CCDC175: variants seen among roughly 807,000 people sequenced by gnomAD.
CCDC175 encodes coiled-coil domain containing 175.
Under a neutral mutation model 114.6 loss-of-function variants are expected in CCDC175, and 100 were observed. The ratio of observed to expected loss-of-function variants is 0.87; its 90% confidence interval spans 0.74 to 1.03. The LOEUF is 1.03. Ranked by LOEUF, CCDC175 falls within the 50% of genes least tolerant of loss-of-function variation. CCDC175 has a pLI of 0.00. For synonymous variants in CCDC175, 306 were observed against 308.7 expected, an observed-to-expected ratio of 0.99 and a Z score of 0.09; for missense variants, 880 against 917.8, an observed-to-expected ratio of 0.96 and a Z score of 0.53.
chr14:59,549,644 C>A (rs1895332236), intron 8 of CCDC175, among the ~76,000 whole-genome samples: 1 of 142,548 alleles, frequency 7.0e-6, no homozygotes, highest in African/African-American at 2.5e-5. Flanking sequence ...CGCTTGAACC[C>A]CAGAGGCAGA....
intron 13 of CCDC175, 60 bp downstream of exon 13, chr14:59,537,963 A>C: frequency 3.1e-3 from 1,880 of 613,716 alleles, no homozygotes; most frequent in Non-Finnish European, 4.0e-3. Context: ...ATGAAATATT[A>C]TTCCCCCTCC....
chr14:59,563,209 A>G (rs1018311632), intron 6 of CCDC175, among the ~76,000 whole-genome samples: 1 of 152,154 alleles, frequency 6.6e-6, no homozygotes, highest in African/African-American at 2.4e-5. Context: ...TCCTCACAAA[A>G]TACTTACCAC....
chr14:59,565,334 T>C (rs1896472207), intron 4 of CCDC175, 59 bp from the exon 5 acceptor site: 1 of 1,329,900 alleles, frequency 7.5e-7, no homozygotes, highest in Admixed American at 2.3e-5. Context: ...AGGAATAGTC[T>C]GTGTGGTGAG....
intron 5 of CCDC175, 113 bp downstream of exon 5, chr14:59,564,934 A>G: frequency 2.6e-6 from 2 of 780,248 alleles, no homozygotes; most frequent in Non-Finnish European, 4.0e-6. Context: ...GCGCGTTCAC[A>G]GAAGATACCA....
At chr14:59,571,883 A>G (rs1896867719) in intron 3 of CCDC175, among the ~76,000 whole-genome samples, 1 of 152,246 alleles carries the variant, frequency 6.6e-6, no homozygotes. Context: ...CAAAAATCTG[A>G]AAACTGAAAT....
chr14:59,522,206 C>T (rs768286939), intron 16 of CCDC175, among the ~76,000 whole-genome samples: 3 of 152,104 alleles, frequency 2.0e-5, no homozygotes, highest in Admixed American at 6.5e-5. Flanking sequence ...CACCCAATGC[C>T]CAGAAACTCT....
intron 17 of CCDC175, among the ~76,000 whole-genome samples, chr14:59,520,585 C>A (rs1893372192): frequency 1.3e-5 from 2 of 152,268 alleles, no homozygotes; most frequent in African/African-American, 4.8e-5. Flanking sequence ...TTATCCCAAA[C>A]TGGAAATAAT....
intron 7 of CCDC175, among the ~76,000 whole-genome samples, chr14:59,551,931 G>C (rs916183675): frequency 3.3e-5 from 5 of 152,222 alleles, no homozygotes; most frequent in African/African-American, 1.2e-4. Context: ...AGGGGCGCCC[G>C]CCATTGCCAA....
chr14:59,551,605 G>A (rs144398533), intron 7 of CCDC175, among the ~76,000 whole-genome samples, 169 bp from the exon 8 acceptor site: 24 of 152,304 alleles, frequency 1.6e-4, no homozygotes, highest in Admixed American at 3.9e-4. Flanking sequence ...TCACTGGGGC[G>A]TGTTGGACAG....
Position 59,576,778 on chromosome 14 carries a change from TGCC to T in CCDC175, c.-6_-4del. On this transcript the variant is annotated 5_prime_UTR_variant, in exon 1 of 20. Coordinates refer to ENST00000537690, the MANE Select transcript of CCDC175 (RefSeq NM_001164399.2). Reference sequence around the variant, plus strand: ...GGGGTCCAGGGGCTCAGGGCCATTTTGCCGCTCTACTTGAGCGCCTCCTAAGCC... The same window carrying T: ...GGGGTCCAGGGGCTCAGGGCCATTTTGCTCTACTTGAGCGCCTCCTAAGCC... The T allele has an allele frequency of 7.0e-7, 1 of 1,435,566 alleles. No individual in the cohort carries two copies. 88.9% of individuals were successfully genotyped at this position (1,435,566 alleles called of 1,614,324 possible).
chr14:59,565,885 T>C (rs77651813), intron 4 of CCDC175, among the ~76,000 whole-genome samples: 1 of 152,252 alleles, frequency 6.6e-6, no homozygotes, highest in East Asian at 1.9e-4. Flanking sequence ...AAAGTAATTT[T>C]GAACAGGATC....
At position 59,525,374 on chromosome 14, in the gene CCDC175, G is replaced by A; in HGVS notation, c.1903C>T (p.His635Tyr). 1.3e-6 allele frequency: 2 copies of A among 1,518,008 alleles called. No individual in the cohort carries two copies. Among genetic ancestry groups the A allele is most frequent in the Non-Finnish European group, 8.8e-7 (1 of 1,139,520 alleles). The allele number at this position is 1,518,008 out of a possible 1,614,324, so 94.0% of individuals were successfully genotyped here. Residue 635 changes from histidine to tyrosine, a missense_variant, in exon 16 of 20, where the codon CAT becomes TAT. Coordinates refer to ENST00000537690, the MANE Select transcript of CCDC175 (RefSeq NM_001164399.2). ...TCTAAGTTCTTTAGAGTTTCAAAAT[G>A]ATCTTTGTTTTTTTTGCTTTCTTGA... Reference protein sequence around the residue: ...RDQESKKNKDHFETLKNLENG... With the variant: ...RDQESKKNKDYFETLKNLENG...
chr14:59,529,829 T>C (rs17096365), intron 14 of CCDC175, among the ~76,000 whole-genome samples: 1,803 of 152,276 alleles, frequency 0.012, 28 homozygotes, highest in African/African-American at 0.042. Flanking sequence ...TTTCTGTGTA[T>C]GGAGCCCATG....
chr14:59,535,594 C>T (rs113008598), intron 13 of CCDC175, among the ~76,000 whole-genome samples: 6,263 of 152,236 alleles, frequency 0.041, 167 homozygotes, highest in Non-Finnish European at 0.06. Context: ...TGCTTTAGCT[C>T]CCTAATTGTT....
At chr14:59,576,237 G>A (rs1038042558) in intron 1 of CCDC175, among the ~76,000 whole-genome samples, 3 of 152,086 alleles carry the variant, frequency 2.0e-5, no homozygotes, top group Non-Finnish European at 1.5e-5. Flanking sequence ...AGTTTGCCAC[G>A]GCAAAATGTC....
rs190186403 is a variant in CCDC175 at position 59,528,073 on chromosome 14, G to C, written c.1763-899C>G. ...AGAGTAAATGGGATAAATGTTTTGA[G>C]ATCTTGTATATCTCAATATGTTTCT... On this transcript the variant is annotated intron_variant, in intron 14 of 19. Transcript: ENST00000537690. Among the ~76,000 whole-genome samples, 358 of 152,098 alleles carry C rather than the reference G, an allele frequency of 2.4e-3. 2 individuals carry two copies. The highest frequency in any genetic ancestry group is 4.3e-3 in the Non-Finnish European group (293 of 67,962).
At chr14:59,506,513 C>A (rs904564683) in intron 19 of CCDC175, among the ~76,000 whole-genome samples, 2 of 152,074 alleles carry the variant, frequency 1.3e-5, no homozygotes, top group Non-Finnish European at 2.9e-5. Flanking sequence ...GTCTTGCACT[C>A]CTGACCTCAA....
chr14:59,528,696 A>T (rs554900544), intron 14 of CCDC175, among the ~76,000 whole-genome samples: 2 of 152,030 alleles, frequency 1.3e-5, no homozygotes, highest in African/African-American at 4.8e-5. Context: ...TGTTTGGTAG[A>T]TATTTGGCAT....
rs531746140 is a variant in CCDC175 at position 59,521,782 on chromosome 14, A to G, written c.1996-106T>C. Reference sequence around the variant, plus strand: ...TATAAATTCCTCCTCTGCGCCACCCACTATTCTAGGTACAGGGGTAACAGT... The same window carrying G: ...TATAAATTCCTCCTCTGCGCCACCCGCTATTCTAGGTACAGGGGTAACAGT... On this transcript the variant is annotated intron_variant, in intron 16 of 19. Transcript: ENST00000537690. 30 of 662,846 alleles carry G rather than the reference A, an allele frequency of 4.5e-5. No homozygotes were observed. In the East Asian group the frequency reaches 8.3e-4, roughly 18 times the overall value. The allele number at this position is 662,846 out of a possible 1,614,324, so 41.1% of individuals were successfully genotyped here.
Sources: allele counts gnomAD v4.1 joint callset (sites outside exome capture counted in the v4.1 genomes callset), GRCh38; gene constraint gnomAD v4.1.1; transcripts MANE v1.5; gene names NCBI Gene and HGNC (gene_info 2026-07-23, HGNC 2026-07-21).